Variants in PPA2 observed in about 807,000 individuals in gnomAD.
PPA2 encodes inorganic pyrophosphatase 2.
Under a neutral mutation model 49.5 loss-of-function variants are expected in PPA2, and 48 were observed. The observed-to-expected ratio is 0.97, with a 90% CI of 0.77 to 1.23. The LOEUF is 1.23. Ranked by LOEUF, PPA2 falls within the 50% of genes most tolerant of loss-of-function variation. The probability of loss-of-function intolerance (pLI) is 0.00; values close to 1 mark genes in which losing one functional copy is unlikely to be tolerated. For missense variants in PPA2, 429 were observed against 410.1 expected, an observed-to-expected ratio of 1.05 and a Z score of -0.40; for synonymous variants, 131 against 139.9, an observed-to-expected ratio of 0.94 and a Z score of 0.45.
At position 105,425,415 on chromosome 4, in the gene PPA2, T is replaced by C. The variant is rs139096617; in HGVS notation, c.529-1093A>G. Among the ~76,000 whole-genome samples the C allele has an allele frequency of 4.8e-3, 733 of 152,152 alleles. 6 individuals carry two copies. Among genetic ancestry groups the C allele is most frequent in the African/African-American group, 0.017 (705 of 41,492 alleles). On this transcript the variant is annotated intron_variant, in intron 6 of 11. Transcript: ENST00000341695. ...AGAACTTTAAGAGCTAAGACATATA[T>C]AATCTGAAAAGAAAAATTCTCTCAA...
In PPA2 at chr4:105,456,765, CA is replaced by C; in HGVS notation, c.158-21del. On this transcript the variant is annotated intron_variant, in intron 1 of 11. Transcript: ENST00000341695. The stretch of plus-strand genomic sequence containing the variant: ...CATTCTCTGCAAAGACACAAACAAA[CA>C]AAACAAAACAGAATTAAAGCAATAG... 1 of 1,568,466 alleles carries C rather than the reference CA, an allele frequency of 6.4e-7. No individual in the cohort carries two copies. Among genetic ancestry groups the C allele is most frequent in the Non-Finnish European group, 8.7e-7 (1 of 1,146,640 alleles).
intron 7 of PPA2, among the ~76,000 whole-genome samples, chr4:105,415,954 A>C (rs1722986911): frequency 6.6e-6 from 1 of 152,242 alleles, no homozygotes; most frequent in South Asian, 2.1e-4. Flanking sequence ...GGCAAATATC[A>C]AAGTTAATTA....
chr4:105,457,610 G>A (rs1251136998), intron 1 of PPA2, among the ~76,000 whole-genome samples: 1 of 149,236 alleles, frequency 6.7e-6, no homozygotes, highest in Non-Finnish European at 1.5e-5. Flanking sequence ...CTTTTTTTTT[G>A]AGACAGGGTC....
At chr4:105,439,956 T>C (rs1390258603) in intron 5 of PPA2, among the ~76,000 whole-genome samples, 3 of 151,362 alleles carry the variant, frequency 2.0e-5, no homozygotes, top group Admixed American at 6.6e-5. Flanking sequence ...GTCCTTGAGA[T>C]AGTTTGCTGA....
At chr4:105,438,538 T>C (rs1316759494) in intron 5 of PPA2, among the ~76,000 whole-genome samples, 2 of 152,208 alleles carry the variant, frequency 1.3e-5, no homozygotes, top group African/African-American at 2.4e-5. Flanking sequence ...TTTTGTCTTA[T>C]TCATTCCATT....
At chr4:105,453,540 A>G in intron 3 of PPA2, 58 bp downstream of exon 3, 5 of 1,253,218 alleles carry the variant, frequency 4.0e-6, no homozygotes, top group Non-Finnish European at 5.5e-6. Context: ...AACTATCATC[A>G]AGGTATTTAA....
intron 1 of PPA2, among the ~76,000 whole-genome samples, chr4:105,458,408 T>G (rs1217390947): frequency 6.6e-6 from 1 of 152,152 alleles, no homozygotes; most frequent in Non-Finnish European, 1.5e-5. Flanking sequence ...AGGGAAAAAC[T>G]GGGGTGCGGA....
chr4:105,384,087 G>C (rs1312815906), intron 10 of PPA2, among the ~76,000 whole-genome samples: 1 of 152,122 alleles, frequency 6.6e-6, no homozygotes, highest in Non-Finnish European at 1.5e-5. Context: ...AACACTATAT[G>C]AGAAAGGTGT....
chr4:105,472,132 C>A (rs1723548743), intron 1 of PPA2, among the ~76,000 whole-genome samples: 1 of 152,182 alleles, frequency 6.6e-6, no homozygotes, highest in Non-Finnish European at 1.5e-5. Context: ...TGAGAAGGAC[C>A]TTGAGGATCA....
At chr4:105,391,199 G>A (rs1161531044) in intron 9 of PPA2, among the ~76,000 whole-genome samples, 1 of 151,936 alleles carries the variant, frequency 6.6e-6, no homozygotes, top group Non-Finnish European at 1.5e-5. Flanking sequence ...GGGGAGGGGA[G>A]GGAGATTATT....
chr4:105,437,835 G>A, intron 6 of PPA2, 115 bp downstream of exon 6: 2 of 727,864 alleles, frequency 2.7e-6, no homozygotes, highest in South Asian at 4.4e-5. Context: ...ACTGATAACA[G>A]AGAAATCAAT....
chr4:105,399,457 A>G, intron 7 of PPA2: 1 of 210,150 alleles, frequency 4.8e-6, no homozygotes, highest in Non-Finnish European at 9.4e-6. Flanking sequence ...CTTTTCATCA[A>G]GATACTCAGT....
In PPA2 at chr4:105,474,043, G is replaced by T. The variant is rs868284416; in HGVS notation, c.8C>A (p.Ala3Glu). 1 of 1,585,188 alleles carries T rather than the reference G, an allele frequency of 6.3e-7. No homozygotes were observed. The highest frequency in any genetic ancestry group is 2.3e-5 in the East Asian group (1 of 43,460). MS[A>E]LLRLLRTGAP... ...ACCCGTGCGCAGCAGCCGCAGCAGC[G>T]CGCTCATGGCGTCAATGACGGTCCT... is the stretch of plus-strand genomic sequence containing the variant. The change falls in exon 1 of 12, where the codon GCG becomes GAG. Residue 3 changes from alanine to glutamate, a missense_variant. By Grantham distance (107) the Ala-to-Glu change is moderately radical. Transcript: ENST00000341695.
At chr4:105,413,266 C>A (rs1315949408) in intron 7 of PPA2, among the ~76,000 whole-genome samples, 1 of 150,826 alleles carries the variant, frequency 6.6e-6, no homozygotes, top group African/African-American at 2.4e-5. Flanking sequence ...GGGAGTTGAA[C>A]AATGAGAACA....
At chr4:105,384,599 G>A (rs1191253304) in intron 10 of PPA2, among the ~76,000 whole-genome samples, 2 of 152,134 alleles carry the variant, frequency 1.3e-5, no homozygotes, top group South Asian at 2.1e-4. Flanking sequence ...AAGATGAAAA[G>A]TTTTTGATTT....
chr4:105,437,057 A>G (rs1724093617), intron 6 of PPA2, among the ~76,000 whole-genome samples: 1 of 152,188 alleles, frequency 6.6e-6, no homozygotes, highest in East Asian at 1.9e-4. Flanking sequence ...AAAAATCTGC[A>G]AAGTATGCCT....
At chr4:105,388,202 T>G (rs1560607445) in intron 9 of PPA2, among the ~76,000 whole-genome samples, 1 of 152,128 alleles carries the variant, frequency 6.6e-6, no homozygotes, top group Admixed American at 6.5e-5. Flanking sequence ...CACACACACT[T>G]ACATGGAATA....
intron 1 of PPA2, among the ~76,000 whole-genome samples, chr4:105,459,917 AC>A (rs1484662120): frequency 2.6e-5 from 4 of 152,178 alleles, no homozygotes; most frequent in African/African-American, 9.7e-5. Flanking sequence ...AGTAGGGTTG[AC>A]CCTAAAGGGG....
Sources: allele counts gnomAD v4.1 joint callset (sites outside exome capture counted in the v4.1 genomes callset), GRCh38; gene constraint gnomAD v4.1.1; transcripts MANE v1.5; gene names NCBI Gene and HGNC (gene_info 2026-07-23, HGNC 2026-07-21).